Variants in ATG7 observed in about 807,000 individuals in gnomAD.
ATG7 encodes ubiquitin-like modifier-activating enzyme ATG7.
In ATG7, 70 loss-of-function variants were observed where a neutral mutation model predicts 82.4. The ratio of observed to expected loss-of-function variants is 0.85; its 90% CI spans 0.70 to 1.04. The LOEUF (loss-of-function observed/expected upper bound fraction) is 1.04, where lower values mean the gene tolerates loss of function less well. ATG7 is among the 50% of genes least tolerant of loss of function. The pLI is 0.00. For synonymous variants in ATG7, 287 were observed against 313.0 expected (o/e 0.92, Z 0.88); for missense variants, 792 against 864.3 (o/e 0.92, Z 1.05).
chr3:11,423,514 T>G (rs1267948085), intron 19 of ATG7, among the ~76,000 whole-genome samples: 1 of 152,178 alleles, frequency 6.6e-6, no homozygotes, highest in Non-Finnish European at 1.5e-5. Flanking sequence ...TACTCAACAT[T>G]TCAAAAAAGA....
chr3:11,355,435 A>C (rs550829183), intron 14 of ATG7, among the ~76,000 whole-genome samples: 1 of 152,220 alleles, frequency 6.6e-6, no homozygotes, highest in Non-Finnish European at 1.5e-5. Flanking sequence ...CTTTCAAAGA[A>C]GGGAAAAACT....
chr3:11,400,507 A>G (rs1321063699), intron 19 of ATG7, among the ~76,000 whole-genome samples: 1 of 152,214 alleles, frequency 6.6e-6, no homozygotes, highest in Admixed American at 6.5e-5. Context: ...TACTGGGAAT[A>G]ACGTTGCCAT....
chr3:11,443,747 A>G (rs2084226810), intron 20 of ATG7, among the ~76,000 whole-genome samples: 1 of 152,180 alleles, frequency 6.6e-6, no homozygotes, highest in Admixed American at 6.6e-5. Flanking sequence ...GAATAACTTG[A>G]GCTTTAGAAA....
At chr3:11,459,801 G>GT (rs2086129336) in intron 20 of ATG7, among the ~76,000 whole-genome samples, 1 of 152,196 alleles carries the variant, frequency 6.6e-6, no homozygotes, top group African/African-American at 2.4e-5. Flanking sequence ...TTATTTGTTT[G>GT]TGGGGATTTT....
intron 20 of ATG7, among the ~76,000 whole-genome samples, chr3:11,515,335 G>A (rs902256753): frequency 2.0e-4 from 30 of 146,598 alleles, no homozygotes; most frequent in African/African-American, 6.1e-4. Flanking sequence ...ACAGAGTCTC[G>A]CTCTGTTGCC....
chr3:11,482,622 G>A (rs2089137288), intron 20 of ATG7, among the ~76,000 whole-genome samples: 1 of 152,006 alleles, frequency 6.6e-6, no homozygotes, highest in South Asian at 2.1e-4. Flanking sequence ...TACTTTGATA[G>A]GTGGTGTAAT....
chr3:11,314,436 C>G (rs554356940), intron 8 of ATG7, among the ~76,000 whole-genome samples: 1 of 151,738 alleles, frequency 6.6e-6, no homozygotes, highest in Middle Eastern at 3.4e-3. Flanking sequence ...CGTACAAATC[C>G]GAGGTTGTGG....
intron 19 of ATG7, among the ~76,000 whole-genome samples, chr3:11,395,664 G>A (rs1486813079): frequency 6.6e-6 from 1 of 152,172 alleles, no homozygotes; most frequent in Non-Finnish European, 1.5e-5. Context: ...GAAAGGGCTG[G>A]GTGCAGTGGC....
At chr3:11,486,840 T>TA (rs1553692297) in intron 20 of ATG7, among the ~76,000 whole-genome samples, 5,470 of 133,186 alleles carry the variant, frequency 0.041, 248 homozygotes, top group African/African-American at 0.14. Flanking sequence ...TTTTTTTTTT[T>TA]AATTTATTTT....
chr3:11,390,996 T>C (rs2078756794), intron 19 of ATG7, among the ~76,000 whole-genome samples: 1 of 152,226 alleles, frequency 6.6e-6, no homozygotes, highest in Non-Finnish European at 1.5e-5. Flanking sequence ...TGCAGTACCA[T>C]AGCCATGAAG....
chr3:11,534,331 G>A (rs955089603), intron 20 of ATG7, among the ~76,000 whole-genome samples: 1 of 152,200 alleles, frequency 6.6e-6, no homozygotes, highest in Non-Finnish European at 1.5e-5. Context: ...CTATATTTAG[G>A]TAGGGACACC....
At chr3:11,564,890 G>A in the ATG7 span, 1 of 1,607,990 alleles carries the variant, frequency 6.2e-7, no homozygotes, top group Non-Finnish European at 8.5e-7. Flanking sequence ...GCTGCTCCAG[G>A]CCAAGGCTGG....
the ATG7 span, among the ~76,000 whole-genome samples, chr3:11,571,669 GAAATAA>G: frequency 6.6e-6 from 1 of 152,050 alleles, no homozygotes; most frequent in East Asian, 1.9e-4. Flanking sequence ...CCTGTCTCAG[GAAATAA>G]AAATAAAATA....
chr3:11,497,392 T>TATATATATA (rs1422914065), intron 20 of ATG7, among the ~76,000 whole-genome samples: 282 of 126,998 alleles, frequency 2.2e-3, no homozygotes, highest in East Asian at 2.8e-3. Context: ...TATATATATA[T>TATATATATA]TTAGCCAGGC....
At chr3:11,418,297 A>C (rs2081593489) in intron 19 of ATG7, among the ~76,000 whole-genome samples, 1 of 148,976 alleles carries the variant, frequency 6.7e-6, no homozygotes, top group Admixed American at 6.7e-5. Flanking sequence ...TATTTTGTAG[A>C]GACCTGGTCT....
At chr3:11,447,331 G>T (rs972396516) in intron 20 of ATG7, among the ~76,000 whole-genome samples, 10 of 152,044 alleles carry the variant, frequency 6.6e-5, no homozygotes, top group African/African-American at 2.4e-4. Context: ...GCCTGGTGTG[G>T]TGGCAGGCAT....
At chr3:11,560,480 C>T (rs1212353865), downstream of ATG7, among the ~76,000 whole-genome samples, 2 of 152,206 alleles carry the variant, frequency 1.3e-5, no homozygotes, top group Non-Finnish European at 2.9e-5. Flanking sequence ...GCCTTATCCT[C>T]CCCAGCCAGC....
At chr3:11,511,003 C>T (rs6792986) in intron 20 of ATG7, among the ~76,000 whole-genome samples, 4,592 of 152,008 alleles carry the variant, frequency 0.03, 241 homozygotes, top group African/African-American at 0.1. Context: ...CAGATGTGTT[C>T]GGAGTTTCTT....
At chr3:11,353,314 G>T (rs575694298) in intron 14 of ATG7, among the ~76,000 whole-genome samples, 2 of 152,012 alleles carry the variant, frequency 1.3e-5, no homozygotes. Flanking sequence ...GTGTGGTGGC[G>T]TGCACCTGTA....
Sources: gnomAD v4.1 joint callset for allele counts (sites outside exome capture counted in the v4.1 genomes callset) on GRCh38, gnomAD v4.1.1 for gene constraint, MANE v1.5 for transcripts, NCBI Gene and HGNC (gene_info 2026-07-23, HGNC 2026-07-21) for gene names.